GPHN: variants seen among roughly 807,000 people sequenced by gnomAD.
GPHN encodes the protein gephyrin.
In GPHN, 17 loss-of-function variants were observed where a neutral mutation model predicts 95.5. That is an observed-to-expected ratio of 0.18 (90% confidence interval 0.12 to 0.27). GPHN has a LOEUF of 0.27. GPHN is among the 10% of genes least tolerant of loss of function. The pLI, the probability that GPHN is intolerant of heterozygous loss-of-function variation, is 1.00. For synonymous variants in GPHN, 320 were observed against 322.5 expected, an observed-to-expected ratio of 0.99 and a Z score of 0.08; for missense variants, 660 against 978.1, an observed-to-expected ratio of 0.67 and a Z score of 4.34.
intron 1 of GPHN, among the ~76,000 whole-genome samples, chr14:66,632,348 CT>C (rs1212455451): frequency 3.9e-5 from 6 of 152,056 alleles, no homozygotes; most frequent in Admixed American, 2.0e-4. Flanking sequence ...ATAATCCCAG[CT>C]TTATAATGTT....
the GPHN span, chr14:67,706,001 G>A: frequency 1.3e-5 from 2 of 152,236 alleles, no homozygotes; most frequent in South Asian, 2.1e-4. Flanking sequence ...TTGGGAGGAT[G>A]AGGTAGAAAG....
intron 10 of GPHN, among the ~76,000 whole-genome samples, chr14:67,045,543 G>A (rs1189634212): frequency 6.7e-6 from 1 of 149,272 alleles, no homozygotes; most frequent in African/African-American, 2.5e-5. Flanking sequence ...GTCTCTCTGT[G>A]TGTGTCTCTC....
At chr14:67,056,886 G>A (rs182768422) in intron 10 of GPHN, among the ~76,000 whole-genome samples, 22 of 152,332 alleles carry the variant, frequency 1.4e-4, no homozygotes, top group Admixed American at 2.6e-4. Flanking sequence ...GAGGCCCAGC[G>A]AGAATTCGAG....
the GPHN span, among the ~76,000 whole-genome samples, chr14:67,232,364 C>T: frequency 6.6e-6 from 1 of 152,130 alleles, no homozygotes; most frequent in Non-Finnish European, 1.5e-5. Context: ...GGACAGAGAC[C>T]TCTAGCTAAC....
intron 1 of GPHN, among the ~76,000 whole-genome samples, chr14:66,574,396 CT>C (rs1566628688): frequency 6.6e-6 from 1 of 152,086 alleles, no homozygotes; most frequent in Admixed American, 6.6e-5. Context: ...TACTGCTTTT[CT>C]TATAACTTTC....
chr14:66,723,132 A>G (rs8010952), intron 2 of GPHN, among the ~76,000 whole-genome samples: 47,198 of 151,898 alleles, frequency 0.31, 11,151 homozygotes, highest in African/African-American at 0.64. Context: ...AGATCACTGT[A>G]ACTTTGCACT....
At chr14:67,643,386 G>A in the GPHN span, among the ~76,000 whole-genome samples, 1 of 152,258 alleles carries the variant, frequency 6.6e-6, no homozygotes, top group Non-Finnish European at 1.5e-5. Context: ...AATAAGCAAT[G>A]AAGGTCTTCA....
chr14:67,099,196 G>T (rs2077558057), intron 12 of GPHN, among the ~76,000 whole-genome samples: 1 of 148,646 alleles, frequency 6.7e-6, no homozygotes, highest in African/African-American at 2.5e-5. Context: ...CACAACCCCC[G>T]CCTCGCAGGT....
At chr14:67,277,450 T>C in the GPHN span, among the ~76,000 whole-genome samples, 1 of 152,200 alleles carries the variant, frequency 6.6e-6, no homozygotes, top group Non-Finnish European at 1.5e-5. Context: ...CCCAAGATGT[T>C]TGAGAAAAGA....
At chr14:66,801,483 G>A (rs561886534) in intron 3 of GPHN, among the ~76,000 whole-genome samples, 91 of 152,028 alleles carry the variant, frequency 6.0e-4, no homozygotes, top group African/African-American at 2.1e-3. Flanking sequence ...GAATTCTCTG[G>A]ATTATCAAGC....
chr14:67,716,307 G>A, the GPHN span, among the ~76,000 whole-genome samples: 1 of 152,034 alleles, frequency 6.6e-6, no homozygotes, highest in Non-Finnish European at 1.5e-5. Flanking sequence ...CAAGAGAAGT[G>A]AATGATTGAT....
chr14:67,651,343 C>CAA, the GPHN span: 1 of 1,612,332 alleles, frequency 6.2e-7, no homozygotes, highest in East Asian at 2.2e-5. Context: ...CATGCATTCA[C>CAA]AAGGTCAAAG....
chr14:67,432,223 T>C, the GPHN span, among the ~76,000 whole-genome samples: 1 of 152,204 alleles, frequency 6.6e-6, no homozygotes, highest in African/African-American at 2.4e-5. Flanking sequence ...CACTTACAGA[T>C]GGGAAATCCA....
At chr14:67,199,217 G>A in the GPHN span, 2 of 1,606,714 alleles carry the variant, frequency 1.2e-6, no homozygotes, top group Non-Finnish European at 1.7e-6. Context: ...TCACTGGCCA[G>A]CACCAAGGCT....
At chr14:67,722,003 G>A in the GPHN span, among the ~76,000 whole-genome samples, 4 of 152,088 alleles carry the variant, frequency 2.6e-5, no homozygotes, top group African/African-American at 7.2e-5. Flanking sequence ...CAAGTCGAAA[G>A]CATACGACTC....
At chr14:66,726,382 G>A (rs1854813371) in intron 2 of GPHN, among the ~76,000 whole-genome samples, 1 of 152,066 alleles carries the variant, frequency 6.6e-6, no homozygotes, top group Admixed American at 6.6e-5. Context: ...TTAAAATATG[G>A]TGGCATTATA....
the GPHN span, chr14:67,562,873 G>T: frequency 6.2e-7 from 1 of 1,612,726 alleles, no homozygotes; most frequent in Non-Finnish European, 8.5e-7. Flanking sequence ...CTACACCCCC[G>T]CTGCACCAGT....
At chr14:67,047,058 T>A (rs1432636986) in intron 10 of GPHN, among the ~76,000 whole-genome samples, 1 of 152,090 alleles carries the variant, frequency 6.6e-6, no homozygotes, top group Non-Finnish European at 1.5e-5. Context: ...ATACAAGGAA[T>A]TGAAGCTGCA....
the GPHN span, among the ~76,000 whole-genome samples, chr14:67,363,693 A>G: frequency 1.3e-5 from 2 of 152,208 alleles, no homozygotes; most frequent in African/African-American, 4.8e-5. Flanking sequence ...GGCAATGGCC[A>G]GATCATATAG....
Sources: allele counts gnomAD v4.1 joint callset (sites outside exome capture counted in the v4.1 genomes callset), GRCh38; gene constraint gnomAD v4.1.1; transcripts MANE v1.5; gene names NCBI Gene and HGNC (gene_info 2026-07-23, HGNC 2026-07-21).